The following KCNMA1 variants were observed in gnomAD, a reference collection of about 807,000 sequenced individuals.
The protein encoded by KCNMA1 is Calcium-activated potassium channel subunit alpha-1.
A neutral mutation model predicts 140.0 loss-of-function variants in KCNMA1; 29 were observed. The ratio of observed to expected loss-of-function variants is 0.21; its 90% CI spans 0.15 to 0.28. KCNMA1 has a LOEUF of 0.28. Among genes scored for constraint, KCNMA1 ranks in the 10% least tolerant of loss-of-function variants. The pLI, the probability that KCNMA1 is intolerant of heterozygous loss-of-function variation, is 1.00. For synonymous variants in KCNMA1, 612 were observed against 611.9 expected (o/e 1.00, Z 0.00); for missense variants, 880 against 1,602.2 (o/e 0.55, Z 7.70).
chr10:76,969,014 A>C (rs953147645), intron 20 of KCNMA1, among the ~76,000 whole-genome samples: 7 of 152,184 alleles, frequency 4.6e-5, no homozygotes, highest in South Asian at 2.1e-4. Context: ...CCAGAGCAGA[A>C]ACCACATAGG....
At chr10:76,920,939 T>C (rs577666956) in intron 23 of KCNMA1, among the ~76,000 whole-genome samples, 67 of 152,330 alleles carry the variant, frequency 4.4e-4, no homozygotes, top group African/African-American at 1.6e-3. Flanking sequence ...TCAGTACATA[T>C]AATAAATGCT....
chr10:77,257,663 A>G (rs2061066434), intron 2 of KCNMA1, among the ~76,000 whole-genome samples: 1 of 152,166 alleles, frequency 6.6e-6, no homozygotes, highest in Non-Finnish European at 1.5e-5. Flanking sequence ...CACAATTCCC[A>G]CGTGTTGTGG....
intron 2 of KCNMA1, among the ~76,000 whole-genome samples, chr10:77,336,441 AAAG>A (rs544058156): frequency 8.5e-5 from 13 of 152,308 alleles, no homozygotes; most frequent in South Asian, 4.1e-4. Flanking sequence ...TAAAAAAAAA[AAAG>A]AAGATGAATG....
chr10:77,611,182 C>T (rs2086724597), intron 1 of KCNMA1, among the ~76,000 whole-genome samples: 1 of 152,228 alleles, frequency 6.6e-6, no homozygotes, highest in Admixed American at 6.5e-5. Flanking sequence ...CATTTGAGAT[C>T]CATAAGGTTC....
intron 5 of KCNMA1, among the ~76,000 whole-genome samples, chr10:77,139,910 T>A (rs752101499): frequency 6.6e-6 from 1 of 151,286 alleles, no homozygotes; most frequent in Non-Finnish European, 1.5e-5. Context: ...GAAAAAAAAA[T>A]TATCGATAGG....
chr10:76,926,066 C>T (rs2057594184), intron 23 of KCNMA1, among the ~76,000 whole-genome samples: 1 of 152,120 alleles, frequency 6.6e-6, no homozygotes, highest in Non-Finnish European at 1.5e-5. Context: ...TACGTTTATG[C>T]TGGCAGATGA....
intron 1 of KCNMA1, among the ~76,000 whole-genome samples, chr10:77,600,073 A>C (rs2249945): frequency 2.0e-5 from 3 of 152,108 alleles, no homozygotes; most frequent in African/African-American, 7.2e-5. Flanking sequence ...TGATCGCATC[A>C]TTTTTTCAGG....
rs115852501 is a variant in KCNMA1 at position 77,552,243 on chromosome 10, A to G, written c.378+85022T>C. ...TGGCTGCCTGACTGACTTATCCTCT[A>G]CTTTGGGAAAAGGCAACTCAGTGCC... is the stretch of plus-strand genomic sequence containing the variant. On this transcript the variant is annotated intron_variant, in intron 1 of 27. Coordinates refer to ENST00000286628, the MANE Select transcript of KCNMA1 (RefSeq NM_001161352.2). Among the ~76,000 whole-genome samples the G allele has an allele frequency of 3.7e-3, 558 of 152,248 alleles. 1 individual carries two copies. Among genetic ancestry groups the G allele is most frequent in the African/African-American group, 0.013 (531 of 41,554 alleles).
intron 1 of KCNMA1, among the ~76,000 whole-genome samples, chr10:77,633,529 C>A (rs750275474): frequency 2.0e-5 from 3 of 152,188 alleles, no homozygotes; most frequent in Non-Finnish European, 4.4e-5. Flanking sequence ...AAGGGCCAAT[C>A]TGGAATCAAG....
rs1025579750 is a variant in KCNMA1, at chr10:76,947,601, G to T, written c.2709+1541C>A. ...TATAATCAAATCGACCATATTTCTG[G>T]AATGAGCAAAGCATATATATGCTTA... On this transcript the variant is annotated intron_variant, in intron 22 of 27. Coordinates refer to ENST00000286628, the MANE Select transcript of KCNMA1 (RefSeq NM_001161352.2). 2.0e-5 allele frequency among the ~76,000 whole-genome samples: 3 copies of T among 152,182 alleles called. No homozygotes were observed. The East Asian group carries it at 5.8e-4, about 29-fold the overall frequency.
chr10:77,631,357 A>G (rs7098001), intron 1 of KCNMA1, among the ~76,000 whole-genome samples: 87,080 of 152,028 alleles, frequency 0.57, 26,696 homozygotes, highest in African/African-American at 0.78. Flanking sequence ...ACAGAAAGGC[A>G]TGGCCCTGTC....
chr10:77,558,928 G>C (rs1352298852), intron 1 of KCNMA1, among the ~76,000 whole-genome samples: 2 of 152,186 alleles, frequency 1.3e-5, no homozygotes, highest in African/African-American at 4.8e-5. Context: ...AGTGGTCACC[G>C]ACTATACACC....
intron 2 of KCNMA1, among the ~76,000 whole-genome samples, chr10:77,362,262 C>A (rs1427321853): frequency 1.3e-5 from 2 of 152,038 alleles, no homozygotes; most frequent in Non-Finnish European, 2.9e-5. Flanking sequence ...CCCTTCCCTG[C>A]ACCCCCAAGA....
chr10:77,028,099 G>T (rs2093628286), intron 15 of KCNMA1, among the ~76,000 whole-genome samples: 1 of 152,108 alleles, frequency 6.6e-6, no homozygotes, highest in African/African-American at 2.4e-5. Context: ...TAAGGTGCTG[G>T]ATGCTCAAAG....
rs116937593 is a variant in KCNMA1 at position 77,063,133 on chromosome 10, G to A, written c.1749+9964C>T. On this transcript the variant is annotated intron_variant, in intron 14 of 27. Coordinates refer to ENST00000286628, the MANE Select transcript of KCNMA1 (RefSeq NM_001161352.2). Reference sequence around the variant, plus strand: ...AATTTAAGTGAAAATGTATATCTCAGCCAGGCACGGTGGCTCATGCTGTAA... The same window carrying A: ...AATTTAAGTGAAAATGTATATCTCAACCAGGCACGGTGGCTCATGCTGTAA... 4.1e-3 allele frequency among the ~76,000 whole-genome samples: 619 copies of A among 152,302 alleles called. 1 individual carries two copies. The highest frequency in any genetic ancestry group is 7.1e-3 in the Non-Finnish European group (482 of 68,030).
intron 1 of KCNMA1, among the ~76,000 whole-genome samples, chr10:77,559,439 C>T (rs796139530): frequency 3.9e-5 from 6 of 152,154 alleles, no homozygotes; most frequent in African/African-American, 1.2e-4. Context: ...GAATATCCTC[C>T]CCACACGGGC....
intron 1 of KCNMA1, among the ~76,000 whole-genome samples, chr10:77,619,760 A>C (rs1233998189): frequency 6.6e-6 from 1 of 152,168 alleles, no homozygotes; most frequent in African/African-American, 2.4e-5. Flanking sequence ...GCAGCATCAG[A>C]CGGCTGCTCC....
chr10:77,126,090 G>A (rs1675469956), intron 5 of KCNMA1, among the ~76,000 whole-genome samples: 1 of 151,966 alleles, frequency 6.6e-6, no homozygotes, highest in Non-Finnish European at 1.5e-5. Flanking sequence ...GGAACTCTTT[G>A]GTGACAATTA....
At chr10:77,455,845 C>G (rs993748600) in intron 1 of KCNMA1, among the ~76,000 whole-genome samples, 74 of 152,210 alleles carry the variant, frequency 4.9e-4, no homozygotes, top group African/African-American at 1.7e-3. Context: ...TTCATTTAAT[C>G]CAAACGCCCC....
Sources: allele counts gnomAD v4.1 joint callset (sites outside exome capture counted in the v4.1 genomes callset), GRCh38; gene constraint gnomAD v4.1.1; transcripts MANE v1.5; gene names NCBI Gene and HGNC (gene_info 2026-07-23, HGNC 2026-07-21).